ZNF41: variants seen among roughly 807,000 people sequenced by gnomAD.
ZNF41 encodes zinc finger protein 41.
Under a neutral mutation model 9.3 loss-of-function variants are expected in ZNF41, and 6 were observed. The ratio of observed to expected loss-of-function variants is 0.65; its 90% CI spans 0.35 to 1.28. ZNF41 has a LOEUF of 1.28. ZNF41 is among the 50% of genes most tolerant of loss of function. The probability of loss-of-function intolerance (pLI) is 0.03; values close to 1 mark genes in which losing one functional copy is unlikely to be tolerated. For missense variants in ZNF41, 523 were observed against 585.8 expected, an observed-to-expected ratio of 0.89 and a Z score of 1.11; for synonymous variants, 192 against 207.1, an observed-to-expected ratio of 0.93 and a Z score of 0.63.
At chrX:47,479,432 A>G (rs935663314) in intron 1 of ZNF41, among the ~76,000 whole-genome samples, 3 of 112,216 alleles carry the variant, frequency 2.7e-5, no homozygotes, top group Non-Finnish European at 5.6e-5. Context: ...GTCACTCAAC[A>G]TTGTTCTGAA....
intron 1 of ZNF41, among the ~76,000 whole-genome samples, chrX:47,480,329 T>A (rs969591041): frequency 9.0e-5 from 10 of 111,586 alleles, no homozygotes; most frequent in Admixed American, 8.6e-4. Flanking sequence ...GAAAAGGGTA[T>A]TCATTTAACG....
At chrX:47,464,259 C>A (rs2056911905) in intron 2 of ZNF41, among the ~76,000 whole-genome samples, 2 of 111,306 alleles carry the variant, frequency 1.8e-5, no homozygotes, top group Non-Finnish European at 3.8e-5. Flanking sequence ...TGACTCATGT[C>A]CTGTTTGCTT....
At chrX:47,481,219 T>C (rs1050163982) in intron 1 of ZNF41, among the ~76,000 whole-genome samples, 2 of 111,317 alleles carry the variant, frequency 1.8e-5, no homozygotes, top group African/African-American at 6.5e-5. Context: ...TACTTGAGGA[T>C]TGCTTGAGGC....
At chrX:47,474,023 G>A (rs933353236) in intron 1 of ZNF41, among the ~76,000 whole-genome samples, 2 of 112,000 alleles carry the variant, frequency 1.8e-5, no homozygotes, top group Non-Finnish European at 3.8e-5. Context: ...AAGCAAAATG[G>A]CCCTCAATAG....
intron 2 of ZNF41, among the ~76,000 whole-genome samples, chrX:47,463,691 G>T (rs1165916203): frequency 9.0e-6 from 1 of 111,199 alleles, no homozygotes; most frequent in Non-Finnish European, 1.9e-5. Context: ...CATTTTGGCT[G>T]CTCCCTCTGG....
intron 2 of ZNF41, among the ~76,000 whole-genome samples, chrX:47,458,850 G>A (rs1018091868): frequency 1.9e-5 from 2 of 105,742 alleles, no homozygotes; most frequent in Non-Finnish European, 3.9e-5. Flanking sequence ...TAGAACTCCT[G>A]GCCTCAAGTG....
intron 1 of ZNF41, among the ~76,000 whole-genome samples, chrX:47,474,963 G>A (rs2057295974): frequency 9.5e-6 from 1 of 105,292 alleles, no homozygotes; most frequent in South Asian, 4.3e-4. Flanking sequence ...GGTGGATCAC[G>A]AGGTCAGGAG....
intron 2 of ZNF41, among the ~76,000 whole-genome samples, chrX:47,466,478 A>G (rs2056989681): frequency 9.0e-6 from 1 of 110,698 alleles, no homozygotes; most frequent in African/African-American, 3.3e-5. Context: ...TAGTGTTGTC[A>G]CCGCCAACTT....
Position 47,446,232 on chromosome X carries a change from T to C in ZNF41, c.*1198A>G, listed in dbSNP as rs1416185586. ...AAGGGAAAATGAGAACGTGTCTATA[T>C]ATCAGTGTTAAAAAAGAGCAGTGCT... is the stretch of plus-strand genomic sequence containing the variant. On this transcript the variant is annotated 3_prime_UTR_variant, in exon 5 of 5. Coordinates refer to ENST00000684689, the MANE Select transcript of ZNF41 (RefSeq NM_001324144.2). 8.9e-6 allele frequency: 1 copy of C among 111,840 alleles called. No homozygotes were observed. The highest frequency in any genetic ancestry group is 9.6e-5 in the Admixed American group (1 of 10,414). 9.2% of individuals were successfully genotyped at this position (111,840 alleles called of 1,213,427 possible). A position where few individuals can be genotyped will look rare whatever the true frequency, so the allele number is the denominator to read the frequency against.
chrX:47,446,410 T>C lies in ZNF41; in HGVS notation c.*1020A>G, dbSNP rs764466108. On this transcript the variant is annotated 3_prime_UTR_variant, in exon 5 of 5. Coordinates refer to ENST00000684689, the MANE Select transcript of ZNF41 (RefSeq NM_001324144.2). ...AGGAAATGAATATACCTTAACCAAA[T>C]AGGAAGAAAAACAAAATATTAGGAA... The C allele has an allele frequency of 4.5e-5, 5 of 111,012 alleles. No individual in the cohort carries two copies. The highest frequency in any genetic ancestry group is 1.3e-4 in the African/African-American group (4 of 30,634). 9.1% of individuals were successfully genotyped at this position (111,012 alleles called of 1,213,427 possible). A position where few individuals can be genotyped will look rare whatever the true frequency, so the allele number is the denominator to read the frequency against.
At position 47,447,341 on chromosome X, in the gene ZNF41, T is replaced by C. The variant is rs763211440; in HGVS notation, c.*89A>G. On this transcript the variant is annotated 3_prime_UTR_variant, in exon 5 of 5. Coordinates refer to ENST00000684689, the MANE Select transcript of ZNF41 (RefSeq NM_001324144.2). ...TCAGTCTCTCATACCCATTTCCCCC[T>C]GTACAATGATTGCAGCAACAGGCCT... 9.2e-5 allele frequency: 105 copies of C among 1,135,522 alleles called. No individual in the cohort carries two copies. The African/African-American group carries it at 1.5e-3, about 16-fold the overall frequency. 93.6% of individuals were successfully genotyped at this position (1,135,522 alleles called of 1,213,427 possible). A position where few individuals can be genotyped will look rare whatever the true frequency, so the allele number is the denominator to read the frequency against.
intron 2 of ZNF41, among the ~76,000 whole-genome samples, chrX:47,462,946 T>TACACAC (rs1159661067): frequency 3.1e-5 from 2 of 65,547 alleles, no homozygotes; most frequent in African/African-American, 8.6e-5. Flanking sequence ...TATATATATA[T>TACACAC]ACACACACAC....
At chrX:47,452,767 T>C (rs1193090155) in intron 4 of ZNF41, among the ~76,000 whole-genome samples, 2 of 112,005 alleles carry the variant, frequency 1.8e-5, no homozygotes, top group Non-Finnish European at 3.8e-5. Flanking sequence ...AATTTTTGTA[T>C]TTTTAGTAGA....
rs752349184 is a variant in ZNF41, at chrX:47,447,822, G to A, written c.1948C>T (p.Leu650Phe). 1 of 1,210,002 alleles carries A rather than the reference G, an allele frequency of 8.3e-7. No individual in the cohort carries two copies. The highest frequency in any genetic ancestry group is 1.8e-5 in the African/African-American group (1 of 57,133). ...CGKCFTKKSQ[L>F]RVHQKIHTGE... is the part of the protein sequence containing the mutation. ...GTGTGGATTTTCTGATGCACACGGA[G>A]TTGTGACTTCTTAGTGAAGCATTTC... Residue 650 changes from leucine (L) to phenylalanine (F), a missense_variant, in exon 5 of 5, where the codon CTC (leucine) becomes TTC (phenylalanine). Physicochemically the swap from Leu to Phe is conservative, Grantham distance 22 (BLOSUM62 0). Coordinates refer to ENST00000684689, the MANE Select transcript of ZNF41 (RefSeq NM_001324144.2).
At chrX:47,479,426 C>T (rs2147853423) in intron 1 of ZNF41, among the ~76,000 whole-genome samples, 1 of 112,083 alleles carries the variant, frequency 8.9e-6, no homozygotes, top group South Asian at 3.7e-4. Flanking sequence ...TTAAATGTCA[C>T]TCAACATTGT....
intron 4 of ZNF41, among the ~76,000 whole-genome samples, chrX:47,454,736 C>T (rs1328954829): frequency 1.8e-5 from 2 of 110,086 alleles, no homozygotes; most frequent in Non-Finnish European, 3.8e-5. Context: ...GCCAGACAAA[C>T]ACACTAAAAT....
At chrX:47,451,028 T>C (rs186522827) in intron 4 of ZNF41, among the ~76,000 whole-genome samples, 82 of 112,536 alleles carry the variant, frequency 7.3e-4, no homozygotes, top group African/African-American at 2.5e-3. Flanking sequence ...CTAATTTTGG[T>C]ATACCTCTAG....
At chrX:47,450,089 C>G (rs917728873) in intron 4 of ZNF41, among the ~76,000 whole-genome samples, 1 of 112,012 alleles carries the variant, frequency 8.9e-6, no homozygotes, top group African/African-American at 3.2e-5. Context: ...AATCTATATG[C>G]CTCAAACACC....
intron 2 of ZNF41, among the ~76,000 whole-genome samples, chrX:47,462,854 C>T (rs1452540292): frequency 1.9e-5 from 2 of 107,730 alleles, no homozygotes; most frequent in Non-Finnish European, 3.8e-5. Context: ...ACCTCCCAGG[C>T]TCAGATGATC....
Sources: allele counts gnomAD v4.1 joint callset (sites outside exome capture counted in the v4.1 genomes callset), GRCh38; gene constraint gnomAD v4.1.1; transcripts MANE v1.5; gene names NCBI Gene and HGNC (gene_info 2026-07-23, HGNC 2026-07-21).